Variants in GALNT17 observed in about 807,000 individuals in gnomAD.
GALNT17 encodes the protein UDP-GalNAc:polypeptide N-acetylgalactosaminyltransferase-like 3.
In GALNT17, 29 loss-of-function variants were observed where a neutral mutation model predicts 63.7. That is an observed-to-expected ratio of 0.46 (90% CI 0.34 to 0.62). GALNT17 has a LOEUF of 0.62. GALNT17 is among the 20% of genes least tolerant of loss of function. The pLI, the probability that GALNT17 is intolerant of heterozygous loss-of-function variation, is 0.01. For missense variants in GALNT17, 603 were observed against 799.6 expected (o/e 0.75, Z 2.97); for synonymous variants, 305 against 318.3 (o/e 0.96, Z 0.45).
chr7:71,693,295 C>T lies in GALNT17; in HGVS notation c.1500+15989C>T, dbSNP rs1251402661. ...ACACACACACACACACACACACACA[C>T]ACACACACACACACATATATATATA... is the stretch of plus-strand genomic sequence containing the variant. On this transcript the variant is annotated intron_variant, in intron 9 of 10. Coordinates refer to ENST00000333538, the MANE Select transcript of GALNT17 (RefSeq NM_022479.3). Among the ~76,000 whole-genome samples, 17 of 120,838 alleles carry T rather than the reference C, an allele frequency of 1.4e-4. No homozygotes were observed. The East Asian group carries it at 2.1e-3, about 15-fold the overall frequency. The allele number at this position is 120,838 out of a possible 152,430, so 79.3% of individuals were successfully genotyped here.
intron 5 of GALNT17, among the ~76,000 whole-genome samples, chr7:71,522,503 T>A (rs4470892): frequency 1 from 152,232 of 152,308 alleles, 76,078 homozygotes; most frequent in Non-Finnish European, 1. Context: ...ATGAATGCCA[T>A]GCAAAACAGG....
intron 6 of GALNT17, among the ~76,000 whole-genome samples, chr7:71,612,181 C>A (rs1790135369): frequency 6.6e-6 from 1 of 152,136 alleles, no homozygotes; most frequent in Admixed American, 6.5e-5. Flanking sequence ...AATTTGAGGT[C>A]ACACTTGAGT....
At chr7:71,691,765 T>C (rs1791446129) in intron 9 of GALNT17, among the ~76,000 whole-genome samples, 1 of 152,204 alleles carries the variant, frequency 6.6e-6, no homozygotes. Flanking sequence ...GGTAGCCATG[T>C]CACCAGCTGA....
chr7:71,513,002 A>G (rs1024016886), intron 5 of GALNT17, among the ~76,000 whole-genome samples: 2 of 152,236 alleles, frequency 1.3e-5, no homozygotes, highest in Non-Finnish European at 2.9e-5. Flanking sequence ...CTGTGCAATT[A>G]AAACACATTA....
chr7:71,639,386 C>A (rs1033163490), intron 6 of GALNT17, among the ~76,000 whole-genome samples: 1 of 152,212 alleles, frequency 6.6e-6, no homozygotes, highest in Non-Finnish European at 1.5e-5. Flanking sequence ...ATGTAACCAT[C>A]TGTGGAGGCC....
At chr7:71,248,147 G>A (rs570265266) in intron 1 of GALNT17, among the ~76,000 whole-genome samples, 18 of 152,320 alleles carry the variant, frequency 1.2e-4, no homozygotes, top group South Asian at 2.1e-4. Flanking sequence ...GGAAGGTGAA[G>A]GAGAAGCAAG....
At chr7:71,286,447 A>T (rs912411029) in intron 1 of GALNT17, among the ~76,000 whole-genome samples, 1 of 152,172 alleles carries the variant, frequency 6.6e-6, no homozygotes, top group Non-Finnish European at 1.5e-5. Flanking sequence ...AAGAGTTCAC[A>T]ATGCTTTATT....
At chr7:71,643,126 G>A (rs1252634394) in intron 6 of GALNT17, among the ~76,000 whole-genome samples, 1 of 152,046 alleles carries the variant, frequency 6.6e-6, no homozygotes, top group Admixed American at 6.5e-5. Context: ...GAAACCCCAA[G>A]CCAATGGTTC....
At chr7:71,190,388 C>G (rs1397692127) in intron 1 of GALNT17, among the ~76,000 whole-genome samples, 1 of 152,038 alleles carries the variant, frequency 6.6e-6, no homozygotes, top group Non-Finnish European at 1.5e-5. Context: ...TATGGCACCT[C>G]CCCCACTGTC....
At chr7:71,169,744 C>A (rs186581980) in intron 1 of GALNT17, among the ~76,000 whole-genome samples, 21 of 151,958 alleles carry the variant, frequency 1.4e-4, no homozygotes, top group Non-Finnish European at 4.4e-5. Flanking sequence ...TTTGTAGAGA[C>A]GGGGTTTCAC....
chr7:71,491,550 A>T (rs115740421), intron 5 of GALNT17, among the ~76,000 whole-genome samples: 1 of 152,168 alleles, frequency 6.6e-6, no homozygotes, highest in Non-Finnish European at 1.5e-5. Context: ...CAGTGGAGAG[A>T]GGCAGGGTTC....
At chr7:71,179,275 A>T (rs951995340) in intron 1 of GALNT17, among the ~76,000 whole-genome samples, 1 of 152,162 alleles carries the variant, frequency 6.6e-6, no homozygotes. Flanking sequence ...TTATCTACCT[A>T]TGACCTGGTA....
chr7:71,379,391 G>C (rs1279340609), intron 2 of GALNT17, among the ~76,000 whole-genome samples: 5 of 152,068 alleles, frequency 3.3e-5, no homozygotes, highest in Non-Finnish European at 7.4e-5. Flanking sequence ...GAGGCCAGGA[G>C]ATCCTTTAAG....
chr7:71,204,048 C>G (rs1421305995), intron 1 of GALNT17, among the ~76,000 whole-genome samples: 1 of 141,880 alleles, frequency 7.0e-6, no homozygotes, highest in Non-Finnish European at 1.5e-5. Context: ...GTATTCTGTT[C>G]AAGTGTTTAA....
At chr7:71,598,817 G>GA (rs1230645557) in intron 6 of GALNT17, among the ~76,000 whole-genome samples, 2 of 56,744 alleles carry the variant, frequency 3.5e-5, no homozygotes, top group Non-Finnish European at 9.3e-5. Context: ...GTAGCAAATC[G>GA]GGTAAATGAT....
At chr7:71,280,575 A>T (rs1180730152) in intron 1 of GALNT17, among the ~76,000 whole-genome samples, 1 of 152,184 alleles carries the variant, frequency 6.6e-6, no homozygotes, top group African/African-American at 2.4e-5. Flanking sequence ...GCAGAAATTT[A>T]TTAGCGCTTA....
chr7:71,174,315 G>A (rs1788597892), intron 1 of GALNT17, among the ~76,000 whole-genome samples: 1 of 152,168 alleles, frequency 6.6e-6, no homozygotes, highest in African/African-American at 2.4e-5. Flanking sequence ...CTAAGCAGAG[G>A]CCATGACCGC....
At chr7:71,580,410 T>C (rs1374413853) in intron 6 of GALNT17, among the ~76,000 whole-genome samples, 2 of 144,022 alleles carry the variant, frequency 1.4e-5, no homozygotes, top group Admixed American at 1.4e-4. Flanking sequence ...GATAGATAGA[T>C]AGATAGATAG....
intron 9 of GALNT17, among the ~76,000 whole-genome samples, chr7:71,696,144 G>T (rs1791539813): frequency 6.6e-6 from 1 of 152,132 alleles, no homozygotes; most frequent in Non-Finnish European, 1.5e-5. Flanking sequence ...ATAGGATCTT[G>T]CTCTGTCACC....
Sources: allele counts gnomAD v4.1 joint callset (sites outside exome capture counted in the v4.1 genomes callset), GRCh38; gene constraint gnomAD v4.1.1; transcripts MANE v1.5; gene names NCBI Gene and HGNC (gene_info 2026-07-23, HGNC 2026-07-21).